The following SH3PXD2B variants were observed in gnomAD, a reference collection of about 807,000 sequenced individuals.
The protein encoded by SH3PXD2B is SH3 and PX domain-containing protein 2B.
In SH3PXD2B, 37 loss-of-function variants were observed where a neutral mutation model predicts 73.1. The ratio of observed to expected loss-of-function variants is 0.51; its 90% CI spans 0.39 to 0.67. The LOEUF (loss-of-function observed/expected upper bound fraction) is 0.67. Among genes scored for constraint, SH3PXD2B ranks in the 30% least tolerant of loss-of-function variants. SH3PXD2B has a pLI of 0.00. For synonymous variants in SH3PXD2B, 457 were observed against 480.5 expected (o/e 0.95, Z 0.64); for missense variants, 1,053 against 1,197.8 (o/e 0.88, Z 1.78).
chr5:172,329,020 T>TAC (rs1290822920), downstream of SH3PXD2B, among the ~76,000 whole-genome samples: 1 of 86,738 alleles, frequency 1.2e-5, no homozygotes, highest in Non-Finnish European at 2.6e-5. Context: ...TATATATACA[T>TAC]ATATACATAT....
chr5:172,397,229 A>G (rs1292741750), intron 3 of SH3PXD2B, among the ~76,000 whole-genome samples: 5 of 152,198 alleles, frequency 3.3e-5, no homozygotes, highest in East Asian at 1.9e-4. Context: ...TAGCGCTCCC[A>G]GTCCTATTAG....
intron 8 of SH3PXD2B, among the ~76,000 whole-genome samples, chr5:172,355,766 G>A (rs1251221754): frequency 1.3e-5 from 2 of 151,948 alleles, no homozygotes; most frequent in Non-Finnish European, 2.9e-5. Flanking sequence ...GGATGGTCTC[G>A]ATCTCCTGAC....
At position 172,337,438 on chromosome 5, in the gene SH3PXD2B, G is replaced by C; in HGVS notation, c.*931C>G. 1.0e-6 allele frequency: 1 copy of C among 980,892 alleles called. No homozygotes were observed. Among genetic ancestry groups the C allele is most frequent in the Non-Finnish European group, 1.2e-6 (1 of 825,800 alleles). The allele number at this position is 980,892 out of a possible 1,614,324, so 60.8% of individuals were successfully genotyped here. On this transcript the variant is annotated 3_prime_UTR_variant, in exon 13 of 13. Coordinates refer to ENST00000311601, the MANE Select transcript of SH3PXD2B (RefSeq NM_001017995.3). The stretch of plus-strand genomic sequence containing the variant: ...TGAATTTCCTCATCTATAAAGGGAG[G>C]TTGTGAGGGTCAAAGCATGAATGCA...
chr5:172,376,584 CTCCTG>C (rs1490459964), intron 5 of SH3PXD2B, among the ~76,000 whole-genome samples: 4 of 152,176 alleles, frequency 2.6e-5, no homozygotes, highest in Non-Finnish European at 1.5e-5. Flanking sequence ...GGCTACAGTC[CTCCTG>C]TATGTCTGGG....
chr5:172,428,745 T>C (rs1033857390), intron 1 of SH3PXD2B, among the ~76,000 whole-genome samples: 6 of 152,178 alleles, frequency 3.9e-5, no homozygotes, highest in African/African-American at 1.4e-4. Context: ...TTGCCAACAA[T>C]GTTTAACTTG....
At chr5:172,361,733 T>C (rs548214062) in intron 7 of SH3PXD2B, among the ~76,000 whole-genome samples, 10 of 152,332 alleles carry the variant, frequency 6.6e-5, no homozygotes, top group African/African-American at 1.9e-4. Context: ...TTTGGAGTCA[T>C]GGTTGCATCA....
At chr5:172,367,731 T>C (rs1757561538) in intron 6 of SH3PXD2B, among the ~76,000 whole-genome samples, 2 of 152,218 alleles carry the variant, frequency 1.3e-5, no homozygotes. Context: ...TGTGGAATTG[T>C]GCACATGTGC....
intron 3 of SH3PXD2B, among the ~76,000 whole-genome samples, chr5:172,394,961 C>A (rs1001403662): frequency 9.2e-5 from 14 of 152,178 alleles, no homozygotes; most frequent in Non-Finnish European, 1.5e-4. Context: ...TGGACCCGAG[C>A]ATGTGAGGTC....
intron 9 of SH3PXD2B, among the ~76,000 whole-genome samples, chr5:172,351,964 G>A (rs894468212): frequency 2.6e-5 from 4 of 152,084 alleles, no homozygotes; most frequent in Admixed American, 6.6e-5. Context: ...GCCATAAGAT[G>A]GGAGGCGATG....
At chr5:172,412,780 T>A (rs1429464018) in intron 2 of SH3PXD2B, among the ~76,000 whole-genome samples, 3 of 152,200 alleles carry the variant, frequency 2.0e-5, no homozygotes, top group African/African-American at 7.2e-5. Context: ...CTAACCCATG[T>A]CATCCTTGGT....
At chr5:172,385,717 T>C (rs1365944765) in intron 4 of SH3PXD2B, among the ~76,000 whole-genome samples, 1 of 152,230 alleles carries the variant, frequency 6.6e-6, no homozygotes, top group African/African-American at 2.4e-5. Context: ...ACGAGGCCCA[T>C]GGAAACCTCC....
intron 1 of SH3PXD2B, among the ~76,000 whole-genome samples, chr5:172,447,186 A>C (rs1376687023): frequency 1.3e-5 from 2 of 152,238 alleles, no homozygotes; most frequent in East Asian, 3.8e-4. Flanking sequence ...AAAGCACAGA[A>C]AAGCACAGAC....
At chr5:172,432,969 T>C (rs1759288229) in intron 1 of SH3PXD2B, among the ~76,000 whole-genome samples, 2 of 151,072 alleles carry the variant, frequency 1.3e-5, no homozygotes, top group South Asian at 4.2e-4. Context: ...TCTAAATGTA[T>C]GTGCGTTTGT....
chr5:172,348,538 T>C (rs114900264), intron 10 of SH3PXD2B, among the ~76,000 whole-genome samples: 2,078 of 152,210 alleles, frequency 0.014, 24 homozygotes, highest in Middle Eastern at 0.027. Context: ...AAGAAATACA[T>C]ATCTAGATCG....
chr5:172,337,521 G>A lies in SH3PXD2B; in HGVS notation c.*848C>T, dbSNP rs1756732908. On this transcript the variant is annotated 3_prime_UTR_variant, in exon 13 of 13. Coordinates refer to ENST00000311601, the MANE Select transcript of SH3PXD2B (RefSeq NM_001017995.3). The stretch of plus-strand genomic sequence containing the variant: ...GCACTCAGCAAAGGGGTGCTCACAA[G>A]GGCACGACTTGTGAATGGGCCTCTT... 1.0e-6 allele frequency: 1 copy of A among 985,430 alleles called. No individual in the cohort carries two copies. The highest frequency in any genetic ancestry group is 6.1e-5 in the Admixed American group (1 of 16,266). 61.0% of individuals were successfully genotyped at this position (985,430 alleles called of 1,614,324 possible). A position where few individuals can be genotyped will look rare whatever the true frequency, so the allele number is the denominator to read the frequency against.
At chr5:172,439,692 G>GCACGCGCGCGCACACA (rs1554087698) in intron 1 of SH3PXD2B, among the ~76,000 whole-genome samples, 1 of 138,542 alleles carries the variant, frequency 7.2e-6, no homozygotes, top group South Asian at 2.5e-4. Flanking sequence ...GCACGCGCGC[G>GCACGCGCGCGCACACA]CACACACACA....
At chr5:172,439,684 A>ACACACG (rs1554087678) in intron 1 of SH3PXD2B, among the ~76,000 whole-genome samples, 10 of 103,250 alleles carry the variant, frequency 9.7e-5, no homozygotes, top group African/African-American at 4.0e-4. Flanking sequence ...GCGTGCGCGC[A>ACACACG]CGCGCGCGCA....
chr5:172,348,678 T>TC (rs1293603079), intron 10 of SH3PXD2B, among the ~76,000 whole-genome samples: 4 of 79,570 alleles, frequency 5.0e-5, no homozygotes, highest in African/African-American at 7.6e-5. Context: ...TATCTATCTA[T>TC]CTATCTATCT....
At position 172,387,319 on chromosome 5, in the gene SH3PXD2B, C is replaced by T. The variant is rs150575336; in HGVS notation, c.310-5192G>A. Among the ~76,000 whole-genome samples the T allele has an allele frequency of 2.0e-3, 308 of 152,354 alleles. 2 individuals are homozygous for T. Among genetic ancestry groups the T allele is most frequent in the African/African-American group, 7.0e-3 (290 of 41,586 alleles). On this transcript the variant is annotated intron_variant, in intron 4 of 12. Coordinates refer to ENST00000311601, the MANE Select transcript of SH3PXD2B (RefSeq NM_001017995.3). The stretch of plus-strand genomic sequence containing the variant: ...GTGAAAGACTCTAATCAGAAGTCCA[C>T]ACTTCAGAAAAGGCTGCTTCAGGGC...
Sources: allele counts gnomAD v4.1 joint callset (sites outside exome capture counted in the v4.1 genomes callset), GRCh38; gene constraint gnomAD v4.1.1; transcripts MANE v1.5; gene names NCBI Gene and HGNC (gene_info 2026-07-23, HGNC 2026-07-21).